Variants in KLHDC2 observed in about 807,000 individuals in gnomAD.
KLHDC2 encodes kelch domain-containing protein 2.
KLHDC2 carries 38 observed loss-of-function variants against 62.3 expected under a neutral mutation model. That is an observed-to-expected ratio of 0.61 (90% CI 0.47 to 0.80). The LOEUF is 0.80. KLHDC2 is among the 30% of genes least tolerant of loss of function. The pLI is 0.00. For synonymous variants in KLHDC2, 159 were observed against 161.0 expected (o/e 0.99, Z 0.09); for missense variants, 430 against 495.3 (o/e 0.87, Z 1.25).
In KLHDC2 at chr14:49,784,395, C is replaced by T. The variant is rs565948074; in HGVS notation, c.*1442C>T. 250 of 387,338 alleles carry T rather than the reference C, an allele frequency of 6.5e-4. 2 individuals are homozygous for T. The East Asian group carries it at 8.5e-3, about 13-fold the overall frequency. The allele number at this position is 387,338 out of a possible 1,614,324, so 24.0% of individuals were successfully genotyped here. A position where few individuals can be genotyped will look rare whatever the true frequency, so the allele number is the denominator to read the frequency against. Reference sequence around the variant, plus strand: ...ATTTCAAGAAAATGTAGAATAACTACAGATGTATATTAATTAGCATTTAAC... The same window carrying T: ...ATTTCAAGAAAATGTAGAATAACTATAGATGTATATTAATTAGCATTTAAC... On this transcript the variant is annotated 3_prime_UTR_variant, in exon 13 of 13. Coordinates refer to ENST00000298307, the MANE Select transcript of KLHDC2 (RefSeq NM_014315.3).
chr14:49,781,385 A>AAT (rs35304736), intron 10 of KLHDC2, among the ~76,000 whole-genome samples: 1 of 150,732 alleles, frequency 6.6e-6, no homozygotes, highest in Non-Finnish European at 1.5e-5. Context: ...AAAAAAAAAA[A>AAT]GGGGGTAGAG....
In KLHDC2 at chr14:49,779,731, T is replaced by G. The variant is rs771005690; in HGVS notation, c.715-17T>G. ...TTTTGAATTCTTCAAAATGATAACT[T>G]AATTATCCTTTTTTAGGATGCTAGA... On this transcript the variant is annotated splice_polypyrimidine_tract_variant and intron_variant, in intron 7 of 12. Coordinates refer to ENST00000298307, the MANE Select transcript of KLHDC2 (RefSeq NM_014315.3). 1.9e-6 allele frequency: 3 copies of G among 1,605,984 alleles called. No homozygotes were observed. The highest frequency in any genetic ancestry group is 1.7e-6 in the Non-Finnish European group (2 of 1,172,658).
chr14:49,780,066 G>GT (rs372106028), intron 8 of KLHDC2, 147 bp from the exon 9 acceptor site: 22 of 634,704 alleles, frequency 3.5e-5, no homozygotes, highest in African/African-American at 1.3e-4. Context: ...AAATATTTCA[G>GT]TATAAAGCAT....
chr14:49,778,959 G>C (rs1187016345), intron 6 of KLHDC2, among the ~76,000 whole-genome samples: 1 of 152,080 alleles, frequency 6.6e-6, no homozygotes, highest in Non-Finnish European at 1.5e-5. Context: ...TCCTGATCTT[G>C]TGATTTGCCC....
At chr14:49,779,949 AATTTT>A (rs1889853637) in intron 8 of KLHDC2, 143 bp downstream of exon 8, 2 of 664,004 alleles carry the variant, frequency 3.0e-6, no homozygotes, top group Non-Finnish European at 5.1e-6. Context: ...TTAAGGAATG[AATTTT>A]ATTTTTGTGT....
Position 49,784,733 on chromosome 14 carries a change from G to A in KLHDC2, c.*1780G>A, listed in dbSNP as rs562544433. On this transcript the variant is annotated 3_prime_UTR_variant, in exon 13 of 13. Transcript: ENST00000298307. ...TGTGTCCTAAAAAAAGAAAATTGCT[G>A]AATATCTTCACATCCTGTATGGTCA... The A allele has an allele frequency of 5.0e-6, 8 of 1,593,872 alleles. No homozygotes were observed. Among genetic ancestry groups the A allele is most frequent in the Non-Finnish European group, 8.6e-7 (1 of 1,163,074 alleles).
At chr14:49,771,223 C>T (rs1379489354) in intron 1 of KLHDC2, among the ~76,000 whole-genome samples, 1 of 152,042 alleles carries the variant, frequency 6.6e-6, no homozygotes, top group African/African-American at 2.4e-5. Flanking sequence ...ATGGCGAGTG[C>T]GTGCAGTCCC....
Position 49,782,963 on chromosome 14 carries a change from A to T in KLHDC2, c.*10A>T. 6.2e-7 allele frequency: 1 copy of T among 1,609,998 alleles called. No homozygotes were observed. Among genetic ancestry groups the T allele is most frequent in the Non-Finnish European group, 8.5e-7 (1 of 1,178,388 alleles). ...CACTTCTGGATCTTAAGGCTTCATA[A>T]ATAATGCCTATGATCACCTTGCATG... is the stretch of plus-strand genomic sequence containing the variant. On this transcript the variant is annotated 3_prime_UTR_variant, in exon 13 of 13. Transcript: ENST00000298307.
chr14:49,782,597 A>G lies in KLHDC2; in HGVS notation c.1097+3A>G, dbSNP rs769511819. On this transcript the variant is annotated splice_donor_region_variant and intron_variant, in intron 12 of 12. Coordinates refer to ENST00000298307, the MANE Select transcript of KLHDC2 (RefSeq NM_014315.3). ...GTTCAACCAAAATCTCTTGTACGGT[A>G]AGTAACTTTGTACTTGGCACTTAGA... is the stretch of plus-strand genomic sequence containing the variant. 1 of 1,598,634 alleles carries G rather than the reference A, an allele frequency of 6.3e-7. No homozygotes were observed.
At chr14:49,780,955 G>C (rs1226278356) in intron 10 of KLHDC2, among the ~76,000 whole-genome samples, 180 bp downstream of exon 10, 1 of 152,180 alleles carries the variant, frequency 6.6e-6, no homozygotes, top group Admixed American at 6.5e-5. Context: ...TCCGTCATCT[G>C]TGCATGAAGA....
In KLHDC2 at chr14:49,785,065, AT is replaced by A; in HGVS notation, c.*2113del. ...TTAAGTCACTGAACTGTTTAAAATC[AT>A]AATTCAAAAAAACAAATTTAAATAC... is the stretch of plus-strand genomic sequence containing the variant. On this transcript the variant is annotated 3_prime_UTR_variant, in exon 13 of 13. Transcript: ENST00000298307. The A allele has an allele frequency of 1.9e-6, 3 of 1,607,922 alleles. No homozygotes were observed. Among genetic ancestry groups the A allele is most frequent in the Non-Finnish European group, 2.6e-6 (3 of 1,174,738 alleles).
Position 49,779,062 on chromosome 14 carries a change from T to C in KLHDC2, c.634-533T>C, listed in dbSNP as rs139999610. Among the ~76,000 whole-genome samples the C allele has an allele frequency of 3.4e-3, 523 of 152,320 alleles. 3 individuals carry two copies. The highest frequency in any genetic ancestry group is 0.012 in the African/African-American group (500 of 41,568). Reference sequence around the variant, plus strand: ...TACGTGGTAGAAGTGTTTCAGATTTTGGAATATTTGCATTATATACTTAAC... The same window carrying C: ...TACGTGGTAGAAGTGTTTCAGATTTCGGAATATTTGCATTATATACTTAAC... On this transcript the variant is annotated intron_variant, in intron 6 of 12. Coordinates refer to ENST00000298307, the MANE Select transcript of KLHDC2 (RefSeq NM_014315.3).
chr14:49,774,558 C>T lies in KLHDC2; in HGVS notation c.234-3C>T, dbSNP rs1889732687. On this transcript the variant is annotated splice_polypyrimidine_tract_variant and splice_region_variant and intron_variant, in intron 2 of 12. Coordinates refer to ENST00000298307, the MANE Select transcript of KLHDC2 (RefSeq NM_014315.3). Reference sequence around the variant, plus strand: ...TACATACATTTAATTTATTCCCCCTCAGGAAAAAAATCAACACTGAAGGTG... The same window carrying T: ...TACATACATTTAATTTATTCCCCCTTAGGAAAAAAATCAACACTGAAGGTG... The T allele has an allele frequency of 1.9e-6, 3 of 1,587,580 alleles. No individual in the cohort carries two copies. The highest frequency in any genetic ancestry group is 2.6e-6 in the Non-Finnish European group (3 of 1,155,998).
chr14:49,784,403 TATTA>T lies in KLHDC2; in HGVS notation c.*1455_*1458del. On this transcript the variant is annotated 3_prime_UTR_variant, in exon 13 of 13. Coordinates refer to ENST00000298307, the MANE Select transcript of KLHDC2 (RefSeq NM_014315.3). Reference sequence around the variant, plus strand: ...AAAATGTAGAATAACTACAGATGTATATTAATTAGCATTTAACTGTCCACAAATA... The same window carrying T: ...AAAATGTAGAATAACTACAGATGTATATTAGCATTTAACTGTCCACAAATA... 7.1e-6 allele frequency: 3 copies of T among 422,448 alleles called. No individual in the cohort carries two copies. The highest frequency in any genetic ancestry group is 9.3e-5 in the South Asian group (2 of 21,544). The allele number at this position is 422,448 out of a possible 1,614,324, so 26.2% of individuals were successfully genotyped here.
chr14:49,774,857 CA>C (rs1889738973), intron 3 of KLHDC2, 179 bp downstream of exon 3: 3 of 605,004 alleles, frequency 5.0e-6, no homozygotes, highest in Non-Finnish European at 8.8e-6. Context: ...TTTACCTAGG[CA>C]TTATGTAAAA....
Position 49,785,145 on chromosome 14 carries a change from G to A in KLHDC2, c.*2192G>A, listed in dbSNP as rs1433108659. 2 of 1,602,582 alleles carry A rather than the reference G, an allele frequency of 1.2e-6. No homozygotes were observed. Among genetic ancestry groups the A allele is most frequent in the Non-Finnish European group, 8.5e-7 (1 of 1,169,824 alleles). On this transcript the variant is annotated 3_prime_UTR_variant, in exon 13 of 13. Coordinates refer to ENST00000298307, the MANE Select transcript of KLHDC2 (RefSeq NM_014315.3). ...AAGTTTCACTTTATATCTTTAAAAAGGAATTACATGTGTTACTAAATAGAC... is the reference window on the plus strand; with the variant it reads ...AAGTTTCACTTTATATCTTTAAAAAAGAATTACATGTGTTACTAAATAGAC...
Position 49,784,392 on chromosome 14 carries a change from C to A in KLHDC2, c.*1439C>A, listed in dbSNP as rs1698017455. 2 of 379,642 alleles carry A rather than the reference C, an allele frequency of 5.3e-6. No homozygotes were observed. The highest frequency in any genetic ancestry group is 1.1e-4 in the South Asian group (2 of 18,044). The allele number at this position is 379,642 out of a possible 1,614,324, so 23.5% of individuals were successfully genotyped here. A position where few individuals can be genotyped will look rare whatever the true frequency, so the allele number is the denominator to read the frequency against. On this transcript the variant is annotated 3_prime_UTR_variant, in exon 13 of 13. Transcript: ENST00000298307. Reference sequence around the variant, plus strand: ...CAAATTTCAAGAAAATGTAGAATAACTACAGATGTATATTAATTAGCATTT... The same window carrying A: ...CAAATTTCAAGAAAATGTAGAATAAATACAGATGTATATTAATTAGCATTT...
chr14:49,780,110 G>A, intron 8 of KLHDC2, 103 bp from the exon 9 acceptor site: 1 of 751,498 alleles, frequency 1.3e-6, no homozygotes. Context: ...TTAAACTTAA[G>A]GTCTCTTTTT....
At position 49,785,204 on chromosome 14, in the gene KLHDC2, A is replaced by T. The variant is rs1216086894; in HGVS notation, c.*2251A>T. ...ACAATTCACAAAAGCCATTCTGTCA[A>T]CTAATGGTAACTTACTTGTAGTTTG... On this transcript the variant is annotated 3_prime_UTR_variant, in exon 13 of 13. Transcript: ENST00000298307. 1 of 1,607,622 alleles carries T rather than the reference A, an allele frequency of 6.2e-7. No homozygotes were observed. The highest frequency in any genetic ancestry group is 2.2e-5 in the East Asian group (1 of 44,824).
Sources: allele counts gnomAD v4.1 joint callset (sites outside exome capture counted in the v4.1 genomes callset), GRCh38; gene constraint gnomAD v4.1.1; transcripts MANE v1.5; gene names NCBI Gene and HGNC (gene_info 2026-07-23, HGNC 2026-07-21).